The following SNTB2 variants were observed in gnomAD, a reference collection of about 807,000 sequenced individuals.
SNTB2 encodes the protein beta-2-syntrophin.
A neutral mutation model predicts 46.2 loss-of-function variants in SNTB2; 34 were observed. That is an observed-to-expected ratio of 0.74 (90% CI 0.56 to 0.98). The LOEUF is 0.98. SNTB2 is among the 50% of genes least tolerant of loss of function. The probability of loss-of-function intolerance (pLI) is 0.00; values close to 1 mark genes in which losing one functional copy is unlikely to be tolerated. For synonymous variants in SNTB2, 290 were observed against 312.6 expected (o/e 0.93, Z 0.76); for missense variants, 603 against 731.4 (o/e 0.82, Z 2.02).
At chr16:69,256,370 T>C (rs911735733) in intron 2 of SNTB2, among the ~76,000 whole-genome samples, 1 of 152,166 alleles carries the variant, frequency 6.6e-6, no homozygotes, top group African/African-American at 2.4e-5. Context: ...TTCTTAATCA[T>C]TTTTAAGTGT....
chr16:69,265,830 GAAAAAAA>G (rs762058012), intron 3 of SNTB2, among the ~76,000 whole-genome samples: 21 of 67,502 alleles, frequency 3.1e-4, no homozygotes, highest in East Asian at 9.0e-4. Flanking sequence ...CCGTGCCAAA[GAAAAAAA>G]AAAAAAAAAA....
At chr16:69,209,899 T>C (rs1964262044) in intron 1 of SNTB2, among the ~76,000 whole-genome samples, 1 of 152,134 alleles carries the variant, frequency 6.6e-6, no homozygotes, top group South Asian at 2.1e-4. Flanking sequence ...AAGTTCCCAT[T>C]CAAAATGCTA....
At chr16:69,202,867 C>T (rs987121220) in intron 1 of SNTB2, among the ~76,000 whole-genome samples, 3 of 152,032 alleles carry the variant, frequency 2.0e-5, no homozygotes, top group African/African-American at 4.8e-5. Context: ...TGACCCAGCA[C>T]GCCTGGCCAC....
chr16:69,255,877 C>CAAA (rs778719826), intron 2 of SNTB2, among the ~76,000 whole-genome samples: 1 of 104,546 alleles, frequency 9.6e-6, no homozygotes, highest in Non-Finnish European at 2.0e-5. Flanking sequence ...AACTCTGTCT[C>CAAA]AAAAAAAAAA....
chr16:69,203,521 G>C (rs1964186428), intron 1 of SNTB2, among the ~76,000 whole-genome samples: 1 of 151,124 alleles, frequency 6.6e-6, no homozygotes, highest in Non-Finnish European at 1.5e-5. Context: ...TAATTGTTTT[G>C]CAGAGACAGG....
intron 4 of SNTB2, among the ~76,000 whole-genome samples, chr16:69,281,492 T>G (rs1459217325): frequency 6.7e-6 from 1 of 150,256 alleles, no homozygotes; most frequent in Non-Finnish European, 1.5e-5. Flanking sequence ...CTGGTTTTTT[T>G]TTTTTTGTTT....
At chr16:69,266,533 G>C (rs1376726839) in intron 3 of SNTB2, among the ~76,000 whole-genome samples, 2 of 152,040 alleles carry the variant, frequency 1.3e-5, no homozygotes, top group African/African-American at 4.8e-5. Flanking sequence ...TTTGAGAAAC[G>C]TGTTAAACAA....
chr16:69,281,512 T>TA (rs1398234093), intron 4 of SNTB2, among the ~76,000 whole-genome samples: 3 of 151,530 alleles, frequency 2.0e-5, no homozygotes, highest in Non-Finnish European at 4.4e-5. Flanking sequence ...TTTTTTTTTT[T>TA]ACATATGGAT....
intron 1 of SNTB2, among the ~76,000 whole-genome samples, chr16:69,220,971 G>A (rs1457850346): frequency 1.3e-5 from 2 of 152,134 alleles, no homozygotes; most frequent in African/African-American, 4.8e-5. Context: ...CCAGTCTCTA[G>A]CAACCACTAC....
At chr16:69,282,105 A>G (rs960914893) in intron 4 of SNTB2, among the ~76,000 whole-genome samples, 4 of 149,448 alleles carry the variant, frequency 2.7e-5, no homozygotes, top group African/African-American at 9.8e-5. Flanking sequence ...GGGTTTTACC[A>G]TGTGGGCTAG....
chr16:69,247,964 T>TA (rs1169420442), intron 2 of SNTB2, among the ~76,000 whole-genome samples: 5 of 151,620 alleles, frequency 3.3e-5, no homozygotes, highest in South Asian at 2.1e-4. Flanking sequence ...CAGGATTTTT[T>TA]AAAAAAAAAT....
At chr16:69,221,712 G>A (rs575034046) in intron 1 of SNTB2, among the ~76,000 whole-genome samples, 2 of 152,318 alleles carry the variant, frequency 1.3e-5, no homozygotes, top group African/African-American at 4.8e-5. Context: ...TGAGGTGGTG[G>A]TTGCAGTGAG....
At chr16:69,198,098 ATT>A (rs34676761) in intron 1 of SNTB2, among the ~76,000 whole-genome samples, 25,205 of 128,168 alleles carry the variant, frequency 0.2, 2,214 homozygotes, top group Non-Finnish European at 0.23. Flanking sequence ...AACAGAGTTG[ATT>A]TTTTTTTTTT....
At chr16:69,201,765 C>T (rs1964163493) in intron 1 of SNTB2, among the ~76,000 whole-genome samples, 1 of 152,038 alleles carries the variant, frequency 6.6e-6, no homozygotes, top group Non-Finnish European at 1.5e-5. Flanking sequence ...TTTTAGATTT[C>T]GTATTTGGAG....
intron 5 of SNTB2, among the ~76,000 whole-genome samples, chr16:69,293,540 C>T (rs1287729296): frequency 6.6e-6 from 1 of 151,988 alleles, no homozygotes; most frequent in Non-Finnish European, 1.5e-5. Flanking sequence ...GAGGAGTGGA[C>T]GTGAGGTGAA....
chr16:69,198,903 T>TG (rs1964133340), intron 1 of SNTB2, among the ~76,000 whole-genome samples: 1 of 151,172 alleles, frequency 6.6e-6, no homozygotes, highest in Non-Finnish European at 1.5e-5. Flanking sequence ...AATGTTTTTT[T>TG]TTTTTTTTTT....
At chr16:69,249,760 C>T (rs962567399) in intron 2 of SNTB2, among the ~76,000 whole-genome samples, 1 of 152,096 alleles carries the variant, frequency 6.6e-6, no homozygotes, top group African/African-American at 2.4e-5. Flanking sequence ...TTTTGAGATT[C>T]TCAGTCTTAA....
At chr16:69,191,741 C>T (rs1362994231) in intron 1 of SNTB2, among the ~76,000 whole-genome samples, 2 of 151,766 alleles carry the variant, frequency 1.3e-5, no homozygotes, top group African/African-American at 4.8e-5. Context: ...ACCGGGTTCA[C>T]GCCATTCTGC....
intron 1 of SNTB2, among the ~76,000 whole-genome samples, chr16:69,200,132 T>G (rs765289333): frequency 6.6e-6 from 1 of 152,162 alleles, no homozygotes; most frequent in Non-Finnish European, 1.5e-5. Context: ...GCCAGGATGG[T>G]CTCAATCTCC....
Sources: allele counts gnomAD v4.1 joint callset (sites outside exome capture counted in the v4.1 genomes callset), GRCh38; gene constraint gnomAD v4.1.1; transcripts MANE v1.5; gene names NCBI Gene and HGNC (gene_info 2026-07-23, HGNC 2026-07-21).